MAPK10: variants seen among roughly 807,000 people sequenced by gnomAD.
The protein encoded by MAPK10 is JNK3 alpha protein kinase.
MAPK10 carries 25 observed loss-of-function variants against 59.3 expected under a neutral mutation model. The ratio of observed to expected loss-of-function variants is 0.42; its 90% CI spans 0.31 to 0.59. The LOEUF is 0.59. Among genes scored for constraint, MAPK10 ranks in the 20% least tolerant of loss-of-function variants. The pLI, the probability that MAPK10 is intolerant of heterozygous loss-of-function variation, is 0.15. For missense variants in MAPK10, 351 were observed against 568.9 expected, an observed-to-expected ratio of 0.62 and a Z score of 3.90; for synonymous variants, 190 against 200.5, an observed-to-expected ratio of 0.95 and a Z score of 0.44.
At chr4:86,477,680 TA>T (rs1564925635) in intron 1 of MAPK10, among the ~76,000 whole-genome samples, 30 of 147,746 alleles carry the variant, frequency 2.0e-4, no homozygotes, top group South Asian at 6.4e-4. Context: ...TCCCCCATTT[TA>T]CCTGTCCAAA....
intron 1 of MAPK10, among the ~76,000 whole-genome samples, chr4:86,550,398 A>AC (rs1759677869): frequency 1.6e-5 from 2 of 127,452 alleles, no homozygotes; most frequent in African/African-American, 5.5e-5. Flanking sequence ...AAAAAAAAAA[A>AC]AAAAAAAAAA....
intron 1 of MAPK10, among the ~76,000 whole-genome samples, chr4:86,559,503 C>T (rs1760510465): frequency 6.6e-6 from 1 of 152,114 alleles, no homozygotes; most frequent in East Asian, 1.9e-4. Flanking sequence ...TCTCTTGTTT[C>T]CCCTGCTCTA....
chr4:86,093,971 C>T (rs1231673746), intron 9 of MAPK10, among the ~76,000 whole-genome samples: 2 of 151,692 alleles, frequency 1.3e-5, no homozygotes. Flanking sequence ...TTATTTAAAA[C>T]CATAAATTTT....
chr4:86,286,380 C>T (rs1239045806), intron 2 of MAPK10, among the ~76,000 whole-genome samples: 1 of 152,074 alleles, frequency 6.6e-6, no homozygotes, highest in Non-Finnish European at 1.5e-5. Context: ...TTCTCTCTCC[C>T]ATCACTACCC....
At chr4:86,168,490 G>A (rs1286478902) in intron 3 of MAPK10, among the ~76,000 whole-genome samples, 1 of 152,204 alleles carries the variant, frequency 6.6e-6, no homozygotes, top group African/African-American at 2.4e-5. Flanking sequence ...AAACTGCAAG[G>A]TGGCAGCGAG....
intron 9 of MAPK10, among the ~76,000 whole-genome samples, chr4:86,084,003 C>A (rs1427002118): frequency 6.6e-6 from 1 of 152,132 alleles, no homozygotes; most frequent in African/African-American, 2.4e-5. Context: ...TATCAGGATT[C>A]ATCACCTGCT....
rs535061921 is a variant in MAPK10, at chr4:86,430,669, C to CA, written c.-122+22360dup. 2.4e-3 allele frequency among the ~76,000 whole-genome samples: 358 copies of CA among 152,066 alleles called. 1 individual carries two copies. Among genetic ancestry groups the CA allele is most frequent in the African/African-American group, 8.4e-3 (347 of 41,492 alleles). ...GCCATTTAAGCTAAGACCTAAAGAA[C>CA]AAAAAATTGTCCAGTCAAAATTATA... is the stretch of plus-strand genomic sequence containing the variant. On this transcript the variant is annotated intron_variant, in intron 1 of 13. Transcript: ENST00000361569.
intron 3 of MAPK10, among the ~76,000 whole-genome samples, chr4:86,176,322 C>T (rs1456492183): frequency 2.0e-5 from 3 of 152,048 alleles, no homozygotes; most frequent in African/African-American, 4.8e-5. Context: ...CTGAAAATCA[C>T]GAATAGTTCT....
intron 1 of MAPK10, among the ~76,000 whole-genome samples, chr4:86,451,588 G>A (rs1750726169): frequency 6.6e-6 from 1 of 152,200 alleles, no homozygotes; most frequent in African/African-American, 2.4e-5. Context: ...GAGTGGGAGT[G>A]GTACGGTGGG....
intron 1 of MAPK10, among the ~76,000 whole-genome samples, chr4:86,475,966 G>T (rs191262138): frequency 6.6e-6 from 1 of 152,192 alleles, no homozygotes; most frequent in East Asian, 1.9e-4. Context: ...ACTCGACAGT[G>T]GTTCCAAATA....
chr4:86,338,368 G>A (rs1366446184), intron 2 of MAPK10, among the ~76,000 whole-genome samples: 8 of 152,230 alleles, frequency 5.3e-5, no homozygotes, highest in Middle Eastern at 3.4e-3. Flanking sequence ...TACGTAGAAC[G>A]CCCCTTTTGT....
chr4:86,160,148 T>C (rs1160935365), intron 3 of MAPK10: 2 of 152,004 alleles, frequency 1.3e-5, no homozygotes, highest in African/African-American at 4.8e-5. Flanking sequence ...CATTTTTTAT[T>C]TTTAAGAGAA....
chr4:86,244,268 TCAAC>T (rs1393454727), intron 2 of MAPK10, among the ~76,000 whole-genome samples: 1 of 152,092 alleles, frequency 6.6e-6, no homozygotes, highest in Non-Finnish European at 1.5e-5. Flanking sequence ...TCAAAAAAAA[TCAAC>T]CATTTTATAC....
intron 2 of MAPK10, among the ~76,000 whole-genome samples, chr4:86,331,387 T>C (rs1365943684): frequency 6.6e-6 from 1 of 152,166 alleles, no homozygotes; most frequent in African/African-American, 2.4e-5. Context: ...CTTGGTTATT[T>C]TCTTTGAATA....
intron 9 of MAPK10, among the ~76,000 whole-genome samples, chr4:86,092,654 G>A (rs1241449981): frequency 6.6e-6 from 1 of 151,656 alleles, no homozygotes; most frequent in African/African-American, 2.4e-5. Context: ...ATGAAGTTAA[G>A]AATAGATTAT....
chr4:86,028,865 A>C (rs1720922748), intron 13 of MAPK10: 1 of 350,244 alleles, frequency 2.9e-6, no homozygotes, highest in Non-Finnish European at 5.5e-6. Flanking sequence ...TGAGCTCCAC[A>C]TTGACTTGAT....
chr4:86,065,787 T>C (rs769600601), intron 10 of MAPK10, among the ~76,000 whole-genome samples: 4 of 152,204 alleles, frequency 2.6e-5, no homozygotes, highest in Non-Finnish European at 5.9e-5. Context: ...TTATTCTAAC[T>C]ATATGGTAAA....
chr4:86,469,633 G>T (rs1053512049), intron 1 of MAPK10, among the ~76,000 whole-genome samples: 1 of 152,154 alleles, frequency 6.6e-6, no homozygotes, highest in African/African-American at 2.4e-5. Flanking sequence ...TCCTACTATG[G>T]TTATTTATAT....
chr4:86,197,626 C>A (rs1335700048), intron 2 of MAPK10, among the ~76,000 whole-genome samples: 1 of 152,056 alleles, frequency 6.6e-6, no homozygotes, highest in Non-Finnish European at 1.5e-5. Flanking sequence ...ACTGGAGACA[C>A]TGCATAAAGC....
Sources: gnomAD v4.1 joint callset for allele counts (sites outside exome capture counted in the v4.1 genomes callset) on GRCh38, gnomAD v4.1.1 for gene constraint, MANE v1.5 for transcripts, NCBI Gene and HGNC (gene_info 2026-07-23, HGNC 2026-07-21) for gene names.